POLR1C: variants seen among roughly 807,000 people sequenced by gnomAD.
POLR1C encodes DNA-directed RNA polymerases I and III subunit RPAC1.
POLR1C carries 42 observed loss-of-function variants against 38.3 expected under a neutral mutation model. The ratio of observed to expected loss-of-function variants is 1.10; its 90% CI spans 0.86 to 1.42. The LOEUF (loss-of-function observed/expected upper bound fraction) is 1.42, where lower values mean the gene tolerates loss of function less well. Among genes scored for constraint, POLR1C ranks in the 40% most tolerant of loss-of-function variants. The probability of loss-of-function intolerance (pLI) is 0.00; values close to 1 mark genes in which losing one functional copy is unlikely to be tolerated. For missense variants in POLR1C, 507 were observed against 450.5 expected (o/e 1.13, Z -1.14); for synonymous variants, 163 against 163.9 (o/e 0.99, Z 0.04).
At chr6:43,551,123 G>T in intron 10 of POLR1C, 1 of 526,816 alleles carries the variant, frequency 1.9e-6, no homozygotes, top group Non-Finnish European at 3.1e-6. Context: ...AGGCATGGTT[G>T]TGCATGCTTG....
At chr6:43,528,693 G>A (rs567032455) in intron 8 of POLR1C, 1 of 786,662 alleles carries the variant, frequency 1.3e-6, no homozygotes, top group South Asian at 1.6e-5. Flanking sequence ...ATAGTCAGCT[G>A]GGGTAGAAGC....
chr6:43,554,083 A>G (rs1761884056), intron 10 of POLR1C, among the ~76,000 whole-genome samples: 1 of 152,184 alleles, frequency 6.6e-6, no homozygotes. Flanking sequence ...AGCAAGGCAC[A>G]AGCAAAAAGA....
intron 9 of POLR1C, among the ~76,000 whole-genome samples, chr6:43,537,694 C>T (rs904000484): frequency 6.6e-6 from 1 of 152,140 alleles, no homozygotes; most frequent in Non-Finnish European, 1.5e-5. Context: ...TCAAACAATA[C>T]TCCAGAGATG....
At chr6:43,553,276 T>G in intron 10 of POLR1C, 7 of 1,423,438 alleles carry the variant, frequency 4.9e-6, no homozygotes, top group Non-Finnish European at 5.6e-6. Context: ...CATTTCAGCC[T>G]GAGCAACAGA....
rs1792870032 is a variant in POLR1C, at chr6:43,517,108, A to G, written c.-2A>G. 1.9e-6 allele frequency: 3 copies of G among 1,614,142 alleles called. No homozygotes were observed. Among genetic ancestry groups the G allele is most frequent in the Non-Finnish European group, 2.5e-6 (3 of 1,180,000 alleles). On this transcript the variant is annotated 5_prime_UTR_variant, in exon 1 of 9. Transcript: ENST00000642195. ...ACCTCTAGTCTCGTGGAGAGATTGA[A>G]GATGGCGGCTTCTCAGGCGGTGGAG...
chr6:43,520,535 G>T, intron 6 of POLR1C, 90 bp from the exon 7 acceptor site: 1 of 1,601,092 alleles, frequency 6.2e-7, no homozygotes, highest in Non-Finnish European at 8.6e-7. Flanking sequence ...AAGCCAAGAG[G>T]GTTGTGCTTT....
downstream of POLR1C, chr6:43,534,029 T>C (rs200617861): frequency 1.1e-5 from 18 of 1,570,180 alleles, no homozygotes; most frequent in Middle Eastern, 3.4e-4. Context: ...AAGAATGCTA[T>C]TGAGCTTTTC....
At chr6:43,537,459 G>C (rs1474856210) in intron 9 of POLR1C, among the ~76,000 whole-genome samples, 6 of 152,138 alleles carry the variant, frequency 3.9e-5, no homozygotes, top group Non-Finnish European at 8.8e-5. Context: ...CATGTTTTAA[G>C]CTTGGCCGGC....
chr6:43,560,297 G>T, intron 10 of POLR1C: 1 of 1,605,186 alleles, frequency 6.2e-7, no homozygotes, highest in Non-Finnish European at 8.5e-7. Flanking sequence ...GTTGAAGAGC[G>T]TAGAAACTAA....
intron 9 of POLR1C, among the ~76,000 whole-genome samples, chr6:43,536,095 G>A (rs970210470): frequency 2.8e-4 from 43 of 151,340 alleles, no homozygotes; most frequent in Admixed American, 2.2e-3. Flanking sequence ...GTGACAGAGC[G>A]AGACTCCCTC....
intron 10 of POLR1C, chr6:43,556,164 A>G (rs1762075409): frequency 1.6e-6 from 1 of 606,552 alleles, no homozygotes; most frequent in East Asian, 3.2e-5. Flanking sequence ...ATCTCTGGAA[A>G]CTGTATTACC....
chr6:43,523,831 AC>A (rs1554132072), downstream of POLR1C: 1 of 1,613,796 alleles, frequency 6.2e-7, no homozygotes, highest in Non-Finnish European at 8.5e-7. Flanking sequence ...AGAAGAGATG[AC>A]AAGAAAGGCC....
chr6:43,528,695 G>T, intron 8 of POLR1C: 2 of 808,350 alleles, frequency 2.5e-6, no homozygotes, highest in Middle Eastern at 2.4e-4. Flanking sequence ...AGTCAGCTGG[G>T]GTAGAAGCTC....
chr6:43,525,044 T>A, downstream of POLR1C: 1 of 1,581,320 alleles, frequency 6.3e-7, no homozygotes, highest in Non-Finnish European at 8.6e-7. Context: ...TCTGAATGAT[T>A]TAGTCAGTCT....
At chr6:43,559,273 G>C (rs538729783) in intron 10 of POLR1C, among the ~76,000 whole-genome samples, 4 of 152,156 alleles carry the variant, frequency 2.6e-5, no homozygotes, top group African/African-American at 7.2e-5. Flanking sequence ...CTCCAGCCTC[G>C]GTGACAGGGT....
At chr6:43,553,668 A>G in intron 10 of POLR1C, 2 of 1,378,752 alleles carry the variant, frequency 1.5e-6, no homozygotes, top group South Asian at 1.7e-5. Flanking sequence ...GGGGCAAAGA[A>G]AAGATGATGT....
intron 10 of POLR1C, chr6:43,560,120 CAA>C: frequency 1.3e-6 from 2 of 1,571,230 alleles, no homozygotes; most frequent in South Asian, 1.2e-5. Flanking sequence ...CACCCAGCCT[CAA>C]AGTCTTATTA....
At chr6:43,539,061 T>G in intron 9 of POLR1C, 1 of 1,514,364 alleles carries the variant, frequency 6.6e-7, no homozygotes, top group Non-Finnish European at 9.0e-7. Flanking sequence ...CCAGCCATCA[T>G]GAGCAGCTTC....
rs749699177 is a variant in POLR1C at position 43,519,339 on chromosome 6, C to T, written c.148C>T (p.Arg50Cys). Residue 50 changes from arginine (R) to cysteine (C), a missense_variant, in exon 3 of 9, where the codon CGT becomes TGT. Arg to Cys is a radical substitution (Grantham distance 180). Transcript: ENST00000642195. Reference protein sequence around the residue: ...WDQDRFEKNFRVDVVHMDENS... With the variant: ...WDQDRFEKNFCVDVVHMDENS... Reference sequence around the variant, plus strand: ...TTTTTTCCTGTCCCTCTAGAATTTCCGTGTGGATGTAGTACACATGGATGA... The same window carrying T: ...TTTTTTCCTGTCCCTCTAGAATTTCTGTGTGGATGTAGTACACATGGATGA... 2.1e-5 allele frequency: 33 copies of T among 1,604,070 alleles called. No individual in the cohort carries two copies. The highest frequency in any genetic ancestry group is 9.9e-5 in the South Asian group (9 of 90,852).
Sources: allele counts gnomAD v4.1 joint callset (sites outside exome capture counted in the v4.1 genomes callset), GRCh38; gene constraint gnomAD v4.1.1; transcripts MANE v1.5; gene names NCBI Gene and HGNC (gene_info 2026-07-23, HGNC 2026-07-21).